The following ATP8A2 variants were observed in gnomAD, a reference collection of about 807,000 sequenced individuals.
ATP8A2 encodes the protein ATPase phospholipid transporting 8A2.
Under a neutral mutation model 165.6 loss-of-function variants are expected in ATP8A2, and 100 were observed. The ratio of observed to expected loss-of-function variants is 0.60; its 90% CI spans 0.51 to 0.71. The LOEUF (loss-of-function observed/expected upper bound fraction) is 0.71, where lower values mean the gene tolerates loss of function less well. Ranked by LOEUF, ATP8A2 falls within the 30% of genes least tolerant of loss-of-function variation. ATP8A2 has a pLI of 0.00. For missense variants in ATP8A2, 1,227 were observed against 1,479.5 expected, an observed-to-expected ratio of 0.83 and a Z score of 2.80; for synonymous variants, 543 against 548.8, an observed-to-expected ratio of 0.99 and a Z score of 0.15.
At chr13:25,573,018 C>G (rs1045787266) in intron 18 of ATP8A2, among the ~76,000 whole-genome samples, 15 of 152,074 alleles carry the variant, frequency 9.9e-5, no homozygotes, top group African/African-American at 3.4e-4. Context: ...TTTTACTATG[C>G]TTATTTTAGT....
intron 2 of ATP8A2, among the ~76,000 whole-genome samples, chr13:25,475,288 T>C (rs1221971566): frequency 1.3e-5 from 2 of 152,228 alleles, no homozygotes; most frequent in African/African-American, 4.8e-5. Flanking sequence ...TTTCTGTTCC[T>C]GTGTTAGTAT....
At chr13:25,890,571 A>G (rs1223456837) in intron 33 of ATP8A2, among the ~76,000 whole-genome samples, 1 of 152,228 alleles carries the variant, frequency 6.6e-6, no homozygotes, top group Non-Finnish European at 1.5e-5. Flanking sequence ...TCCATTTGTA[A>G]CTAAAGTCTC....
intron 8 of ATP8A2, among the ~76,000 whole-genome samples, chr13:25,540,866 CTT>C (rs553196713): frequency 2.1e-5 from 3 of 143,270 alleles, no homozygotes; most frequent in Non-Finnish European, 1.5e-5. Flanking sequence ...TTTTTTGGTT[CTT>C]TTTTTTTTTT....
chr13:25,560,700 CAAAAAAA>C lies in ATP8A2; in HGVS notation c.1397+953_1397+959del, dbSNP rs748751011. Among the ~76,000 whole-genome samples the C allele has an allele frequency of 1.9e-3, 123 of 63,298 alleles. 2 individuals carry two copies. Among genetic ancestry groups the C allele is most frequent in the Middle Eastern group, 0.012 (1 of 82 alleles). The allele number at this position is 63,298 out of a possible 152,430, so 41.5% of individuals were successfully genotyped here. A position where few individuals can be genotyped will look rare whatever the true frequency, so the allele number is the denominator to read the frequency against. ...GAGTGACAGAGTGAGACTCTTGTCTCAAAAAAAAAAAAAAAAAAAAAAAAGACAAATT... is the reference window on the plus strand; with the variant it reads ...GAGTGACAGAGTGAGACTCTTGTCTCAAAAAAAAAAAAAAAAAGACAAATT... On this transcript the variant is annotated intron_variant, in intron 15 of 36. Transcript: ENST00000381655.
At chr13:25,662,596 T>A (rs2042073112) in intron 24 of ATP8A2, among the ~76,000 whole-genome samples, 1 of 152,180 alleles carries the variant, frequency 6.6e-6, no homozygotes. Context: ...AAATGAACAG[T>A]GAGCCACTGC....
intron 33 of ATP8A2, among the ~76,000 whole-genome samples, chr13:25,930,547 C>T (rs1954742820): frequency 1.3e-5 from 2 of 152,210 alleles, no homozygotes; most frequent in African/African-American, 2.4e-5. Flanking sequence ...TCTGCAATGG[C>T]ATCAAAATGC....
chr13:25,873,044 C>G (rs183238867), intron 33 of ATP8A2, among the ~76,000 whole-genome samples: 77 of 152,164 alleles, frequency 5.1e-4, no homozygotes, highest in African/African-American at 1.8e-3. Context: ...TTGACCAACG[C>G]AGATCTGGAA....
chr13:26,007,866 T>G (rs1956774527), intron 35 of ATP8A2, among the ~76,000 whole-genome samples: 1 of 152,230 alleles, frequency 6.6e-6, no homozygotes, highest in Middle Eastern at 3.4e-3. Context: ...CAGAACCCTA[T>G]GCATAAAGTT....
At chr13:25,711,970 A>G (rs767993258) in intron 25 of ATP8A2, among the ~76,000 whole-genome samples, 17 of 152,202 alleles carry the variant, frequency 1.1e-4, no homozygotes, top group Non-Finnish European at 1.9e-4. Flanking sequence ...TGGTGCAGGT[A>G]GGATTCTGCC....
intron 29 of ATP8A2, 152 bp downstream of exon 29, chr13:25,837,437 A>T: frequency 1.9e-6 from 1 of 513,032 alleles, no homozygotes; most frequent in Non-Finnish European, 3.3e-6. Flanking sequence ...ACACACACAC[A>T]CACACACACA....
At chr13:25,466,385 A>T (rs1198977957) in intron 1 of ATP8A2, among the ~76,000 whole-genome samples, 1 of 151,710 alleles carries the variant, frequency 6.6e-6, no homozygotes, top group Non-Finnish European at 1.5e-5. Flanking sequence ...CACCTCACCC[A>T]CATTGCCAGG....
chr13:25,882,203 G>GA, intron 33 of ATP8A2, among the ~76,000 whole-genome samples: 1 of 152,312 alleles, frequency 6.6e-6, no homozygotes, highest in East Asian at 1.9e-4. Flanking sequence ...GATAATGACG[G>GA]AAAAGATGGT....
rs759518836 is a variant in ATP8A2 at position 25,533,321 on chromosome 13, C to T, written c.507+8C>T. 1.2e-4 allele frequency: 169 copies of T among 1,469,524 alleles called. No individual in the cohort carries two copies. The highest frequency in any genetic ancestry group is 1.6e-4 in the Non-Finnish European group (168 of 1,053,540). The allele number at this position is 1,469,524 out of a possible 1,614,324, so 91.0% of individuals were successfully genotyped here. A position where few individuals can be genotyped will look rare whatever the true frequency, so the allele number is the denominator to read the frequency against. ...ACCATTATGTGGAAAGAGGTAAAAA[C>T]TAATTTTAAAGATGTACCAGTACTA... is the stretch of plus-strand genomic sequence containing the variant. On this transcript the variant is annotated splice_region_variant and intron_variant, in intron 6 of 36. Transcript: ENST00000381655.
At chr13:25,952,066 G>A (rs1271978769) in intron 33 of ATP8A2, among the ~76,000 whole-genome samples, 2 of 152,126 alleles carry the variant, frequency 1.3e-5, no homozygotes, top group Non-Finnish European at 2.9e-5. Context: ...AGTTATAGTA[G>A]GGATGCAGGT....
At chr13:25,416,642 C>A (rs1402793157) in intron 1 of ATP8A2, among the ~76,000 whole-genome samples, 1 of 152,144 alleles carries the variant, frequency 6.6e-6, no homozygotes, top group Non-Finnish European at 1.5e-5. Context: ...TATCACTCTC[C>A]CACCCAGTCC....
intron 27 of ATP8A2, among the ~76,000 whole-genome samples, chr13:25,817,201 G>A (rs748158510): frequency 1.3e-5 from 2 of 152,082 alleles, no homozygotes; most frequent in Non-Finnish European, 2.9e-5. Flanking sequence ...TCAGAATTTG[G>A]ACTGAAGAGT....
At chr13:25,375,302 C>T (rs1448148572) in intron 1 of ATP8A2, among the ~76,000 whole-genome samples, 1 of 152,196 alleles carries the variant, frequency 6.6e-6, no homozygotes, top group African/African-American at 2.4e-5. Flanking sequence ...ATGGTCTAGG[C>T]AGTGACTACA....
chr13:25,430,236 G>A (rs1027679778), intron 1 of ATP8A2, among the ~76,000 whole-genome samples: 1 of 152,002 alleles, frequency 6.6e-6, no homozygotes, highest in East Asian at 1.9e-4. Context: ...GACCTCTGGC[G>A]AATGTGCAGC....
At chr13:25,940,347 G>A (rs1461476717) in intron 33 of ATP8A2, among the ~76,000 whole-genome samples, 1 of 152,138 alleles carries the variant, frequency 6.6e-6, no homozygotes, top group Admixed American at 6.5e-5. Context: ...CAGAGCTGCC[G>A]CTTTCAACTC....
Sources: gnomAD v4.1 joint callset for allele counts (sites outside exome capture counted in the v4.1 genomes callset) on GRCh38, gnomAD v4.1.1 for gene constraint, MANE v1.5 for transcripts, NCBI Gene and HGNC (gene_info 2026-07-23, HGNC 2026-07-21) for gene names.